SLC25A26: variants seen among roughly 807,000 people sequenced by gnomAD.
SLC25A26 encodes solute carrier family 25 member 26.
SLC25A26 carries 36 observed loss-of-function variants against 37.8 expected under a neutral mutation model. That is an observed-to-expected ratio of 0.95 (90% CI 0.73 to 1.26). The LOEUF (loss-of-function observed/expected upper bound fraction) is 1.26, where lower values mean the gene tolerates loss of function less well. SLC25A26 is among the 50% of genes most tolerant of loss of function. The pLI is 0.00. For missense variants in SLC25A26, 390 were observed against 331.1 expected (o/e 1.18, Z -1.38); for synonymous variants, 129 against 122.5 (o/e 1.05, Z -0.35).
rs142253246 is a variant in SLC25A26 at position 66,148,108 on chromosome 3, C to T, written c.-354+14124C>T. Among the ~76,000 whole-genome samples, 82 of 152,260 alleles carry T rather than the reference C, an allele frequency of 5.4e-4. 1 individual carries two copies. In the East Asian group the frequency reaches 0.016, roughly 29 times the overall value. On this transcript the variant is annotated intron_variant, in intron 1 of 10. Coordinates refer to the SLC25A26 transcript ENST00000676754. ...TTCTTGCAGGACTGAGGTGGTATGT[C>T]ACTGTGGTTTTAACTTCCATTTCTC...
intron 5 of SLC25A26, among the ~76,000 whole-genome samples, chr3:66,268,544 T>C (rs1448960221): frequency 6.6e-6 from 1 of 152,214 alleles, no homozygotes; most frequent in African/African-American, 2.4e-5. Context: ...TTCCCCCAAA[T>C]TCTTGTGAGG....
At chr3:66,250,237 A>G (rs1358665194) in intron 3 of SLC25A26, among the ~76,000 whole-genome samples, 5 of 152,130 alleles carry the variant, frequency 3.3e-5, no homozygotes, top group Admixed American at 2.0e-4. Context: ...CACCACTTCT[A>G]TGGTCCTTAC....
At chr3:66,309,578 T>C (rs2075319584) in intron 5 of SLC25A26, among the ~76,000 whole-genome samples, 2 of 152,214 alleles carry the variant, frequency 1.3e-5, no homozygotes, top group Admixed American at 6.5e-5. Context: ...ACTTCTCTAG[T>C]TCTTTTAATT....
chr3:66,328,602 A>C (rs191737599), intron 5 of SLC25A26, among the ~76,000 whole-genome samples: 2 of 152,202 alleles, frequency 1.3e-5, no homozygotes, highest in Admixed American at 1.3e-4. Flanking sequence ...AAAGTCATCT[A>C]TATTAAAAGA....
Position 66,236,678 on chromosome 3 carries a change from T to A in SLC25A26, c.168T>A (p.Ala56=). 1 of 1,524,080 alleles carries A rather than the reference T, an allele frequency of 6.6e-7. No homozygotes were observed. The highest frequency in any genetic ancestry group is 8.8e-7 in the Non-Finnish European group (1 of 1,137,796). 94.4% of individuals were successfully genotyped at this position (1,524,080 alleles called of 1,614,324 possible). A position where few individuals can be genotyped will look rare whatever the true frequency, so the allele number is the denominator to read the frequency against. ...FHGIYAGVPS[A]AIGSFPNAAA... ...GAATATATGCTGGCGTTCCTTCTGC[T>A]GCTATTGGATCCTTTCCTAATGGTA... The change falls in exon 2 of 10, where the codon GCT becomes GCA. Residue 56 remains alanine, a synonymous_variant. Coordinates refer to ENST00000354883, the MANE Select transcript of SLC25A26 (RefSeq NM_001379210.1).
At chr3:66,213,399 C>CAAAAAAAA (rs1169648803) in intron 1 of SLC25A26, among the ~76,000 whole-genome samples, 4 of 28,838 alleles carry the variant, frequency 1.4e-4, no homozygotes, top group East Asian at 1.4e-3. Flanking sequence ...GACTCTGTCT[C>CAAAAAAAA]AAAAAAAAAA....
At chr3:66,184,601 T>C (rs939419805) in intron 1 of SLC25A26, among the ~76,000 whole-genome samples, 2 of 152,284 alleles carry the variant, frequency 1.3e-5, no homozygotes, top group Non-Finnish European at 1.5e-5. Flanking sequence ...ACCTTGAGTT[T>C]ACTATGTATT....
At position 66,215,947 on chromosome 3, in the gene SLC25A26, G is replaced by A. The variant is rs1028319582; in HGVS notation, c.-353-4795G>A. Among the ~76,000 whole-genome samples, 6 of 152,288 alleles carry A rather than the reference G, an allele frequency of 3.9e-5. No individual in the cohort carries two copies. The East Asian group carries it at 9.6e-4, about 24-fold the overall frequency. ...CCAAGGTCAAGGTATTGGCAGATTC[G>A]GTGTCTGGGGAGGGCCCAGTTCCTG... On this transcript the variant is annotated intron_variant, in intron 1 of 10. Coordinates refer to the SLC25A26 transcript ENST00000676754.
intron 1 of SLC25A26, among the ~76,000 whole-genome samples, chr3:66,206,252 G>C (rs940819433): frequency 6.6e-6 from 1 of 152,092 alleles, no homozygotes. Context: ...AAGCAGATAC[G>C]GGGCAGTGTA....
intron 1 of SLC25A26, among the ~76,000 whole-genome samples, chr3:66,181,520 G>A (rs2070705853): frequency 6.6e-6 from 1 of 152,166 alleles, no homozygotes; most frequent in African/African-American, 2.4e-5. Flanking sequence ...AGTAGTTTCA[G>A]TTTACAAAGT....
Position 66,299,775 on chromosome 3 carries a change from T to C in SLC25A26, c.453+36396T>C, listed in dbSNP as rs568993685. Among the ~76,000 whole-genome samples, 3 of 152,338 alleles carry C rather than the reference T, an allele frequency of 2.0e-5. No individual in the cohort carries two copies. The East Asian group carries it at 5.8e-4, about 29-fold the overall frequency. ...AAACGTCTTGATTGTTTGACTGTCA[T>C]GGTTGTTTGTATAACTCCTTGAGAA... On this transcript the variant is annotated intron_variant, in intron 5 of 9. Transcript: ENST00000354883.
intron 5 of SLC25A26, among the ~76,000 whole-genome samples, chr3:66,341,594 AAAGATTTACT>A (rs1270043059): frequency 2.6e-5 from 4 of 152,198 alleles, no homozygotes; most frequent in African/African-American, 9.6e-5. Context: ...TTGAAATCTG[AAAGATTTACT>A]TAACAGTCAA....
intron 7 of SLC25A26, among the ~76,000 whole-genome samples, chr3:66,365,865 G>A (rs1461630189): frequency 2.6e-5 from 4 of 152,278 alleles, no homozygotes; most frequent in East Asian, 1.9e-4. Context: ...CAGGGGCAAC[G>A]TAGGGTCTGG....
chr3:66,371,135 A>G (rs1700324506), intron 9 of SLC25A26: 3 of 1,427,986 alleles, frequency 2.1e-6, no homozygotes, highest in East Asian at 5.2e-5. Flanking sequence ...CTTTGACACC[A>G]TAAACTTGTG....
At chr3:66,327,626 T>A (rs2107667581) in intron 5 of SLC25A26, among the ~76,000 whole-genome samples, 2 of 140,952 alleles carry the variant, frequency 1.4e-5, no homozygotes, top group Non-Finnish European at 2.9e-5. Flanking sequence ...AAAGGATGAT[T>A]TTTTTTTCAT....
At chr3:66,144,365 G>A in intron 1 of SLC25A26, among the ~76,000 whole-genome samples, 1 of 152,188 alleles carries the variant, frequency 6.6e-6, no homozygotes, top group Non-Finnish European at 1.5e-5. Context: ...AATAAAGACA[G>A]TGAAAATCAG....
chr3:66,326,650 C>T (rs1009157351), intron 5 of SLC25A26, among the ~76,000 whole-genome samples: 4 of 152,180 alleles, frequency 2.6e-5, no homozygotes, highest in African/African-American at 7.2e-5. Flanking sequence ...CCTGGGTTCC[C>T]GAGAAGCAGG....
intron 1 of SLC25A26, among the ~76,000 whole-genome samples, chr3:66,179,347 A>G (rs1232927725): frequency 1.3e-5 from 2 of 152,216 alleles, no homozygotes; most frequent in Non-Finnish European, 2.9e-5. Context: ...AAATGCAACT[A>G]TGCGTTAGTC....
chr3:66,237,869 CT>C (rs1374185863), intron 2 of SLC25A26, among the ~76,000 whole-genome samples: 1 of 152,132 alleles, frequency 6.6e-6, no homozygotes, highest in African/African-American at 2.4e-5. Flanking sequence ...ATTTTTTTCT[CT>C]TACGTTAACC....
Sources: allele counts gnomAD v4.1 joint callset (sites outside exome capture counted in the v4.1 genomes callset), GRCh38; gene constraint gnomAD v4.1.1; transcripts MANE v1.5; gene names NCBI Gene and HGNC (gene_info 2026-07-23, HGNC 2026-07-21).